Variants in MAP3K1 observed in about 807,000 individuals in gnomAD.
The protein encoded by MAP3K1 is mitogen-activated protein kinase kinase kinase 1.
In MAP3K1, 36 loss-of-function variants were observed where a neutral mutation model predicts 144.2. That is an observed-to-expected ratio of 0.25 (90% confidence interval 0.19 to 0.33). The LOEUF (loss-of-function observed/expected upper bound fraction) is 0.33. MAP3K1 is among the 10% of genes least tolerant of loss of function. The pLI, the probability that MAP3K1 is intolerant of heterozygous loss-of-function variation, is 1.00. For synonymous variants in MAP3K1, 718 were observed against 688.7 expected (o/e 1.04, Z -0.67); for missense variants, 1,650 against 1,881.9 (o/e 0.88, Z 2.28).
chr5:56,857,892 C>G (rs1747387037), intron 2 of MAP3K1, among the ~76,000 whole-genome samples: 1 of 152,180 alleles, frequency 6.6e-6, no homozygotes, highest in African/African-American at 2.4e-5. Context: ...TGGAATTATA[C>G]AGAATAAATC....
At chr5:56,893,470 T>C in intron 19 of MAP3K1, 61 bp from the exon 20 acceptor site, 1 of 1,548,640 alleles carries the variant, frequency 6.5e-7, no homozygotes, top group African/African-American at 1.4e-5. Context: ...TCTATGCACA[T>C]GTGTTTCTGT....
chr5:56,820,762 T>C, intron 1 of MAP3K1: 1 of 985,390 alleles, frequency 1.0e-6, no homozygotes, highest in South Asian at 4.7e-5. Flanking sequence ...TTCTGCAAGG[T>C]GGTGGTCTTG....
At chr5:56,877,672 T>C (rs1748082306) in intron 10 of MAP3K1, among the ~76,000 whole-genome samples, 1 of 152,228 alleles carries the variant, frequency 6.6e-6, no homozygotes, top group Non-Finnish European at 1.5e-5. Context: ...TTTTGTACTA[T>C]AAAGTTCATA....
chr5:56,854,211 A>T (rs1747263014), intron 1 of MAP3K1, among the ~76,000 whole-genome samples: 1 of 152,124 alleles, frequency 6.6e-6, no homozygotes, highest in African/African-American at 2.4e-5. Flanking sequence ...AGGTGGGTGG[A>T]TCACCTGAGG....
rs772871228 is a variant in MAP3K1, at chr5:56,881,090, T to C, written c.2187T>C (p.Ile729=). The C allele has an allele frequency of 1.7e-5, 28 of 1,610,586 alleles. No individual in the cohort carries two copies. The highest frequency in any genetic ancestry group is 2.3e-5 in the Non-Finnish European group (27 of 1,177,178). Residue 729 remains isoleucine (I), a synonymous_variant, in exon 13 of 20, where the codon ATT becomes ATC. Coordinates refer to ENST00000399503, the MANE Select transcript of MAP3K1 (RefSeq NM_005921.2). The part of the protein sequence containing the change: ...VGREILKAGS[I]GIGGVDYVLN... ...TTACTTTCCTTTTTGTAGGATCCAT[T>C]GGTATTGGTGGTGTTGATTATGTCT...
At chr5:56,832,561 G>A (rs1026739218) in intron 1 of MAP3K1, among the ~76,000 whole-genome samples, 3 of 152,238 alleles carry the variant, frequency 2.0e-5, no homozygotes, top group Admixed American at 6.5e-5. Flanking sequence ...ATCCTGGCAA[G>A]GTGGTAGCAC....
At chr5:56,828,069 C>G (rs999058208) in intron 1 of MAP3K1, among the ~76,000 whole-genome samples, 1 of 152,180 alleles carries the variant, frequency 6.6e-6, no homozygotes, top group African/African-American at 2.4e-5. Context: ...ATGCTCACTA[C>G]TTAAACCTTT....
chr5:56,831,069 G>C (rs1366225566), intron 1 of MAP3K1, among the ~76,000 whole-genome samples: 1 of 151,844 alleles, frequency 6.6e-6, no homozygotes, highest in Non-Finnish European at 1.5e-5. Context: ...ATGTGTGTCA[G>C]ATCTTTTCAA....
In MAP3K1 at chr5:56,830,813, A is replaced by G. The variant is rs74943569; in HGVS notation, c.482+14758A>G. ...TTAGAGCACATGAGCTAAATCTTAT[A>G]TTGGTTAAAGAGTTTAAAAATCTGT... On this transcript the variant is annotated intron_variant, in intron 1 of 19. Coordinates refer to ENST00000399503, the MANE Select transcript of MAP3K1 (RefSeq NM_005921.2). Among the ~76,000 whole-genome samples, 101 of 151,748 alleles carry G rather than the reference A, an allele frequency of 6.7e-4. 1 individual carries two copies. The East Asian group carries it at 0.018, about 26-fold the overall frequency.
intron 1 of MAP3K1, among the ~76,000 whole-genome samples, chr5:56,838,494 T>G (rs951803254): frequency 6.6e-6 from 1 of 152,198 alleles, no homozygotes; most frequent in African/African-American, 2.4e-5. Context: ...AGGAAGACAT[T>G]ATTTAGGAAG....
chr5:56,818,994 T>G (rs114528381), intron 1 of MAP3K1, among the ~76,000 whole-genome samples: 290 of 152,292 alleles, frequency 1.9e-3, no homozygotes, highest in Non-Finnish European at 3.3e-3. Context: ...CTTAAAATAT[T>G]AAGTGGGTGA....
rs372700780 is a variant in MAP3K1, at chr5:56,865,961, T to A, written c.1285T>A (p.Ser429Thr). The stretch of plus-strand genomic sequence containing the variant: ...ATTGTCATCATCTAGTACTTCTACG[T>A]CTAGTTCAGAAAACAGGTTAGTACT... ...HTLSSSSTST[S>T]SSENSIKDEE... is the part of the protein sequence containing the mutation. The change falls in exon 6 of 20, where the codon TCT becomes ACT. Residue 429 changes from serine (S) to threonine (T), a missense_variant. Physicochemically the swap from Ser to Thr is moderately conservative, Grantham distance 58. This residue lies in a region of MAP3K1 where 125 missense variants were observed against 179.9 expected (regional missense o/e 0.69). Transcript: ENST00000399503. 6.2e-7 allele frequency: 1 copy of A among 1,609,446 alleles called. No individual in the cohort carries two copies. The highest frequency in any genetic ancestry group is 1.3e-5 in the African/African-American group (1 of 74,848).
chr5:56,848,881 T>C (rs981796696), intron 1 of MAP3K1, among the ~76,000 whole-genome samples: 4 of 152,240 alleles, frequency 2.6e-5, no homozygotes, highest in Non-Finnish European at 5.9e-5. Context: ...ATTGTCTTTG[T>C]TACTTGACTT....
chr5:56,884,758 ACAT>A lies in MAP3K1; in HGVS notation c.3918_3920del (p.Ile1307del), dbSNP rs1357146419. On this transcript the variant is annotated inframe_deletion, in exon 16 of 20. Transcript: ENST00000399503. Reference sequence around the variant, plus strand: ...ATGATGAGCCATCTGAATCATCCAAACATCATTAGGATGTTGGGAGCCACGTGT... The same window carrying A: ...ATGATGAGCCATCTGAATCATCCAAACATTAGGATGTTGGGAGCCACGTGT... The A allele has an allele frequency of 6.2e-7, 1 of 1,613,700 alleles. No homozygotes were observed. The highest frequency in any genetic ancestry group is 8.5e-7 in the Non-Finnish European group (1 of 1,179,694).
rs761578242 is a variant in MAP3K1 at position 56,864,868 on chromosome 5, G to A, written c.969G>A (p.Gly323=). The change falls in exon 4 of 20, where the codon GGG becomes GGA. Residue 323 remains glycine (G), a synonymous_variant. Transcript: ENST00000399503. The part of the protein sequence containing the change: ...RARLYLLQQI[G]PNSFLIGGDS... The stretch of plus-strand genomic sequence containing the variant: ...GACTGTACTTACTGCAGCAGATAGG[G>A]CCTAACTCTTTCCTGATTGGAGGAG... 2 of 1,614,008 alleles carry A rather than the reference G, an allele frequency of 1.2e-6. No homozygotes were observed. The highest frequency in any genetic ancestry group is 1.1e-5 in the South Asian group (1 of 91,066).
Position 56,881,641 on chromosome 5 carries a change from A to G in MAP3K1, c.2441A>G (p.Lys814Arg), listed in dbSNP as rs773509980. The change falls in exon 14 of 20, where the codon AAA becomes AGA. Residue 814 changes from lysine to arginine, a missense_variant. By Grantham distance (26) the Lys-to-Arg change is conservative. Transcript: ENST00000399503. ...SIDNSHSMVG[K>R]LSRRIYLSSA... The stretch of plus-strand genomic sequence containing the variant: ...GATAATTCCCACTCAATGGTTGGCA[A>G]ACTTTCCAGAAGGATCTACTTGAGT... 9.1e-5 allele frequency: 147 copies of G among 1,613,954 alleles called. No homozygotes were observed. Among genetic ancestry groups the G allele is most frequent in the Non-Finnish European group, 1.2e-4 (139 of 1,179,986 alleles).
intron 1 of MAP3K1, among the ~76,000 whole-genome samples, chr5:56,839,064 T>A (rs1188662240): frequency 6.6e-6 from 1 of 152,176 alleles, no homozygotes; most frequent in Non-Finnish European, 1.5e-5. Context: ...GATCACAACT[T>A]GGCCATAGGT....
intron 1 of MAP3K1, among the ~76,000 whole-genome samples, chr5:56,827,864 CA>C (rs796781747): frequency 1.2e-3 from 164 of 139,972 alleles, no homozygotes; most frequent in Admixed American, 1.1e-3. Context: ...AACTCCATCT[CA>C]AAAAAAAAAA....
At chr5:56,862,368 T>C (rs1467115052) in intron 3 of MAP3K1, among the ~76,000 whole-genome samples, 1 of 152,170 alleles carries the variant, frequency 6.6e-6, no homozygotes, top group African/African-American at 2.4e-5. Context: ...AAACCCAGAA[T>C]TGATGTGATA....
Sources: gnomAD v4.1 joint callset for allele counts (sites outside exome capture counted in the v4.1 genomes callset) on GRCh38, gnomAD v4.1.1 for gene constraint, gnomAD v4.1.1 regional missense constraint, MANE v1.5 for transcripts, NCBI Gene and HGNC (gene_info 2026-07-23, HGNC 2026-07-21) for gene names.